The following F5 variants were observed in gnomAD, a reference collection of about 807,000 sequenced individuals.
F5 encodes activated protein c cofactor.
A neutral mutation model predicts 216.4 loss-of-function variants in F5; 138 were observed. That is an observed-to-expected ratio of 0.64 (90% CI 0.56 to 0.73). The LOEUF is 0.73. Ranked by LOEUF, F5 falls within the 30% of genes least tolerant of loss-of-function variation. The pLI is 0.00. For synonymous variants in F5, 916 were observed against 930.7 expected (o/e 0.98, Z 0.29); for missense variants, 2,403 against 2,674.0 (o/e 0.90, Z 2.24).
intron 23 of F5, among the ~76,000 whole-genome samples, chr1:169,518,096 T>C (rs1041607695): frequency 1.3e-4 from 20 of 152,200 alleles, no homozygotes; most frequent in African/African-American, 4.6e-4. Flanking sequence ...TGAGTAGTTA[T>C]GGCAGAGAAT....
chr1:169,578,968 G>C (rs17587779), intron 2 of F5, among the ~76,000 whole-genome samples: 8,669 of 152,110 alleles, frequency 0.057, 341 homozygotes, highest in Middle Eastern at 0.12. Context: ...TTTCTATAGA[G>C]TCTTCCCTTA....
At chr1:169,552,431 C>T in intron 8 of F5, 126 bp downstream of exon 8, 1 of 792,330 alleles carries the variant, frequency 1.3e-6, no homozygotes, top group East Asian at 2.7e-5. Context: ...TAAATAAAAA[C>T]TAAAAGTTGC....
intron 10 of F5, among the ~76,000 whole-genome samples, chr1:169,546,966 TAAAAAA>T (rs11363133): frequency 7.7e-6 from 1 of 129,938 alleles, no homozygotes; most frequent in East Asian, 2.1e-4. Flanking sequence ...CCGTCTCTAC[TAAAAAA>T]AAAAAAAAAA....
chr1:169,536,607 G>C lies in F5; in HGVS notation c.4870C>G (p.Leu1624Val). The C allele has an allele frequency of 6.2e-7, 1 of 1,613,272 alleles. No individual in the cohort carries two copies. Among genetic ancestry groups the C allele is most frequent in the Non-Finnish European group, 8.5e-7 (1 of 1,179,420 alleles). Residue 1624 changes from leucine to valine, a missense_variant, in exon 14 of 25, where the codon CTC becomes GTC. By Grantham distance (32) the Leu-to-Val change is conservative (BLOSUM62 1). Coordinates refer to ENST00000367797, the MANE Select transcript of F5 (RefSeq NM_000130.5). ...TCACGTTTGGTAAAAGTGCTGTCGA[G>C]GTACTTTCGAAAAACTACTTTCTTA... ...TYKKVVFRKYLDSTFTKRDPR... is the reference protein window; with the variant it reads ...TYKKVVFRKYVDSTFTKRDPR...
chr1:169,544,378 G>A lies in F5; in HGVS notation c.1893C>T (p.Phe631=). Reference sequence around the variant, plus strand: ...TGTCCTCATGCCTCTTTCCATAGATGAATGAGTGCCCAGTGAAGTGGATGG... The same window carrying A: ...TGTCCTCATGCCTCTTTCCATAGATAAATGAGTGCCCAGTGAAGTGGATGG... The part of the protein sequence containing the change: ...ILTIHFTGHS[F]IYGKRHEDTL... Residue 631 remains phenylalanine, a synonymous_variant, in exon 12 of 25, where the codon TTC becomes TTT. Coordinates refer to ENST00000367797, the MANE Select transcript of F5 (RefSeq NM_000130.5). The A allele has an allele frequency of 6.2e-7, 1 of 1,614,126 alleles. No individual in the cohort carries two copies. The highest frequency in any genetic ancestry group is 1.3e-5 in the African/African-American group (1 of 75,034).
Position 169,523,840 on chromosome 1 carries a change from T to C in F5, c.5853A>G (p.Glu1951=), listed in dbSNP as rs1459087261. ...NGGSYNAWSV[E]KLAAEFASKP... is the part of the protein sequence containing the mutation. ...TAGAGGCAAATTCTGCTGCAAGTTT[T>C]TCTACACTCCAAGCATTATAAGATC... The change falls in exon 20 of 25, where the codon GAA becomes GAG. Residue 1951 remains glutamate (E), a synonymous_variant. Coordinates refer to ENST00000367797, the MANE Select transcript of F5 (RefSeq NM_000130.5). 1.2e-6 allele frequency: 2 copies of C among 1,613,800 alleles called. No individual in the cohort carries two copies. Among genetic ancestry groups the C allele is most frequent in the Non-Finnish European group, 1.7e-6 (2 of 1,179,940 alleles).
chr1:169,533,514 T>C (rs956640174), intron 14 of F5, among the ~76,000 whole-genome samples: 1 of 152,010 alleles, frequency 6.6e-6, no homozygotes, highest in Admixed American at 6.6e-5. Flanking sequence ...AGGTCTAATA[T>C]CCAGAAACTA....
chr1:169,582,366 A>G, intron 2 of F5, 65 bp downstream of exon 2: 1 of 858,946 alleles, frequency 1.2e-6, no homozygotes, highest in Middle Eastern at 2.5e-4. Flanking sequence ...TTTTAGATGC[A>G]TGTGAATGCC....
chr1:169,556,437 A>C (rs188693585), intron 6 of F5, among the ~76,000 whole-genome samples: 4 of 147,424 alleles, frequency 2.7e-5, no homozygotes, highest in African/African-American at 1.0e-4. Flanking sequence ...AAAAAAAAAA[A>C]AAAACCTTTG....
Position 169,552,646 on chromosome 1 carries a change from A to G in F5, c.1207T>C (p.Ser403Pro), listed in dbSNP as rs1265211298. The change falls in exon 8 of 25, where the codon TCC becomes CCC. Residue 403 changes from serine (S) to proline (P), a missense_variant. This residue lies in a region of F5 where 1,425 missense variants were observed against 1,554.8 expected (regional missense o/e 0.92). Transcript: ENST00000367797. ...KVMYTQYEDE[S>P]FTKHTVNPNM... The stretch of plus-strand genomic sequence containing the variant: ...GGATTCACTGTATGTTTGGTGAAGG[A>G]CTCATCTTCGTACTGTGTGTACATA... 1.2e-6 allele frequency: 2 copies of G among 1,612,744 alleles called. No individual in the cohort carries two copies. Among genetic ancestry groups the G allele is most frequent in the East Asian group, 2.2e-5 (1 of 44,804 alleles).
intron 11 of F5, 96 bp downstream of exon 11, chr1:169,546,346 C>T (rs149704249): frequency 6.2e-5 from 90 of 1,456,568 alleles, no homozygotes; most frequent in African/African-American, 1.3e-4. Flanking sequence ...TGCCCCTTAG[C>T]GAGTAGATTT....
Position 169,513,249 on chromosome 1 carries a change from A to T in F5, c.*1064T>A, listed in dbSNP as rs960421178. Among the ~76,000 whole-genome samples, 2 of 151,812 alleles carry T rather than the reference A, an allele frequency of 1.3e-5. No individual in the cohort carries two copies. Among genetic ancestry groups the T allele is most frequent in the African/African-American group, 4.8e-5 (2 of 41,336 alleles). On this transcript the variant is annotated 3_prime_UTR_variant, in exon 25 of 25. Transcript: ENST00000367797. ...GTAACAAATCCATAATCTCACATAAATTTTTTTTGGTTGCTCTTTTAACAC... is the reference window on the plus strand; with the variant it reads ...GTAACAAATCCATAATCTCACATAATTTTTTTTTGGTTGCTCTTTTAACAC...
At chr1:169,519,852 A>G (rs1038661053) in intron 22 of F5, among the ~76,000 whole-genome samples, 2 of 152,224 alleles carry the variant, frequency 1.3e-5, no homozygotes, top group African/African-American at 4.8e-5. Context: ...GAAGTAAAAA[A>G]TATTGGAAAG....
intron 7 of F5, 99 bp downstream of exon 7, chr1:169,555,083 C>A: frequency 7.6e-7 from 1 of 1,320,742 alleles, no homozygotes; most frequent in Non-Finnish European, 1.1e-6. Flanking sequence ...TACATGTGTC[C>A]CCTTGAGAGC....
chr1:169,556,700 C>T lies in F5; in HGVS notation c.898G>A (p.Val300Met). The change falls in exon 6 of 25, where the codon GTG becomes ATG. Residue 300 changes from valine to methionine, a missense_variant. Around this residue, in one of 4 missense-constraint regions of F5, gnomAD observed 1,425 missense variants for 1,554.8 expected, o/e 0.92. Coordinates refer to ENST00000367797, the MANE Select transcript of F5 (RefSeq NM_000130.5). ...SATSTTANMT[V>M]GPEGKWIISS... ...ATGATCCACTTTCCCTCTGGGCCCA[C>T]AGTCATATTTGCGGTAGTGGATGTA... 2 of 1,614,080 alleles carry T rather than the reference C, an allele frequency of 1.2e-6. No homozygotes were observed. The highest frequency in any genetic ancestry group is 1.7e-6 in the Non-Finnish European group (2 of 1,180,004).
At chr1:169,574,989 C>T (rs1321801467) in intron 2 of F5, among the ~76,000 whole-genome samples, 1 of 152,116 alleles carries the variant, frequency 6.6e-6, no homozygotes, top group Admixed American at 6.6e-5. Context: ...AGTTCTATAA[C>T]TTTATACGTT....
intron 3 of F5, 94 bp from the exon 4 acceptor site, chr1:169,560,860 T>C: frequency 9.7e-7 from 1 of 1,030,378 alleles, no homozygotes; most frequent in Non-Finnish European, 1.5e-6. Context: ...ATGAGTTCTC[T>C]GGAGATGCAT....
rs539046449 is a variant in F5, at chr1:169,528,353, C to G, written c.5420-259G>C. On this transcript the variant is annotated intron_variant, in intron 16 of 24. Coordinates refer to ENST00000367797, the MANE Select transcript of F5 (RefSeq NM_000130.5). ...CTCCCTTTCCAAGCAGTTTATCACT[C>G]TTTTCCTCAGCTTTTACAGTTCCGT... is the stretch of plus-strand genomic sequence containing the variant. Among the ~76,000 whole-genome samples, 11 of 152,320 alleles carry G rather than the reference C, an allele frequency of 7.2e-5. No homozygotes were observed. In the South Asian group the frequency reaches 2.3e-3, roughly 32 times the overall value.
chr1:169,563,729 G>A (rs1325495185), intron 3 of F5, among the ~76,000 whole-genome samples: 1 of 151,786 alleles, frequency 6.6e-6, no homozygotes, highest in Non-Finnish European at 1.5e-5. Flanking sequence ...TTCATCTACA[G>A]AAGTTCTGTG....
Sources: gnomAD v4.1 joint callset for allele counts (sites outside exome capture counted in the v4.1 genomes callset) on GRCh38, gnomAD v4.1.1 for gene constraint, gnomAD v4.1.1 regional missense constraint, MANE v1.5 for transcripts, NCBI Gene and HGNC (gene_info 2026-07-23, HGNC 2026-07-21) for gene names.